Variants in NFASC observed in about 807,000 individuals in gnomAD.
NFASC encodes the protein neurofascin.
NFASC carries 43 observed loss-of-function variants against 147.5 expected under a neutral mutation model. The observed-to-expected ratio is 0.29, with a 90% CI of 0.23 to 0.38. The LOEUF (loss-of-function observed/expected upper bound fraction) is 0.38. Among genes scored for constraint, NFASC ranks in the 10% least tolerant of loss-of-function variants. NFASC has a pLI of 1.00. For missense variants in NFASC, 1,320 were observed against 1,689.0 expected, an observed-to-expected ratio of 0.78 and a Z score of 3.83; for synonymous variants, 622 against 665.5, an observed-to-expected ratio of 0.93 and a Z score of 1.01.
intron 27 of NFASC, among the ~76,000 whole-genome samples, chr1:205,005,139 G>T (rs1398238576): frequency 1.3e-5 from 2 of 152,250 alleles, no homozygotes; most frequent in East Asian, 3.8e-4. Flanking sequence ...GCATCTCTTT[G>T]GTGGGCCAGG....
chr1:205,004,442 G>T (rs946449288), intron 27 of NFASC, among the ~76,000 whole-genome samples: 5 of 152,224 alleles, frequency 3.3e-5, no homozygotes, highest in African/African-American at 9.6e-5. Flanking sequence ...CAGTGATGAA[G>T]CACTCAGCCC....
Position 205,016,999 on chromosome 1 carries a change from C to A in NFASC, c.*460C>A, listed in dbSNP as rs552039213. ...GGAAAAGAAAGAATAAGTGGATTCT[C>A]CCCCAGGAGAATCCTTTTTGCAAAG... On this transcript the variant is annotated 3_prime_UTR_variant, in exon 30 of 30. Coordinates refer to ENST00000339876, the MANE Select transcript of NFASC (RefSeq NM_001005388.3). The surrounding 1 kb of genome is among the most constrained non-coding windows in gnomAD (Gnocchi z 5.1). The A allele has an allele frequency of 2.6e-4, 74 of 280,620 alleles. No homozygotes were observed. Among genetic ancestry groups the A allele is most frequent in the African/African-American group, 1.6e-3 (72 of 46,088 alleles). The allele number at this position is 280,620 out of a possible 1,614,324, so 17.4% of individuals were successfully genotyped here.
chr1:204,910,833 T>A (rs567526510), intron 1 of NFASC, among the ~76,000 whole-genome samples: 55 of 151,982 alleles, frequency 3.6e-4, no homozygotes, highest in African/African-American at 1.2e-3. Flanking sequence ...GATTTTTTTT[T>A]AAATCAATTC....
At chr1:204,881,141 A>G (rs2080125247) in intron 1 of NFASC, among the ~76,000 whole-genome samples, 2 of 152,124 alleles carry the variant, frequency 1.3e-5, no homozygotes, top group African/African-American at 4.8e-5. Context: ...TGTGTTCCCC[A>G]CAATGGTGCC....
intron 26 of NFASC, 85 bp from the exon 27 acceptor site, chr1:205,002,511 C>T: frequency 8.5e-7 from 1 of 1,174,280 alleles, no homozygotes; most frequent in Non-Finnish European, 1.1e-6. Context: ...ACACTTTCTA[C>T]CTTTGACAGG....
At chr1:204,969,751 A>G (rs531553421) in intron 10 of NFASC, among the ~76,000 whole-genome samples, 18 of 152,226 alleles carry the variant, frequency 1.2e-4, no homozygotes, top group Non-Finnish European at 2.4e-4. Flanking sequence ...ATATTCACAA[A>G]ATTGTCTAAA....
chr1:204,949,887 T>C (rs2093995131), intron 3 of NFASC, among the ~76,000 whole-genome samples: 1 of 152,252 alleles, frequency 6.6e-6, no homozygotes, highest in African/African-American at 2.4e-5. Context: ...TTACCTTCTT[T>C]GTGAAAAGCA....
intron 1 of NFASC, among the ~76,000 whole-genome samples, chr1:204,842,425 A>G (rs1675608383): frequency 1.3e-5 from 2 of 152,156 alleles, no homozygotes; most frequent in African/African-American, 2.4e-5. Flanking sequence ...CCGCTTTTAC[A>G]TTGTTGCTTT....
chr1:204,957,510 C>A, intron 7 of NFASC, 146 bp from the exon 8 acceptor site: 1 of 671,408 alleles, frequency 1.5e-6, no homozygotes. Flanking sequence ...ATAAGCCATA[C>A]TTCAGAGTTG....
chr1:204,931,149 C>T (rs1307881163), intron 2 of NFASC, among the ~76,000 whole-genome samples: 1 of 152,008 alleles, frequency 6.6e-6, no homozygotes, highest in Non-Finnish European at 1.5e-5. Flanking sequence ...GCTCTGCAAA[C>T]ATTATTACTT....
intron 27 of NFASC, among the ~76,000 whole-genome samples, chr1:205,003,833 A>AC (rs1460016270): frequency 1.3e-5 from 2 of 152,080 alleles, no homozygotes; most frequent in East Asian, 3.9e-4. Flanking sequence ...TAAACGTCTC[A>AC]CCCCACCCCT....
At chr1:205,011,232 G>T (rs2595967) in intron 28 of NFASC, among the ~76,000 whole-genome samples, 1 of 146,286 alleles carries the variant, frequency 6.8e-6, no homozygotes, top group Non-Finnish European at 1.5e-5. Flanking sequence ...CAACACAAAG[G>T]AAATAGAAGG....
At position 204,950,525 on chromosome 1, in the gene NFASC, C is replaced by G; in HGVS notation, c.92-32C>G. ...TGCATAACGATGTTCTTCTTTTCTC[C>G]CTCTCCAATGCTAACCCGTCGGAAC... is the stretch of plus-strand genomic sequence containing the variant. On this transcript the variant is annotated intron_variant, in intron 3 of 29. Transcript: ENST00000339876. 4 of 1,606,758 alleles carry G rather than the reference C, an allele frequency of 2.5e-6. No individual in the cohort carries two copies. In the South Asian group the frequency reaches 4.5e-5, roughly 18 times the overall value.
chr1:204,968,008 T>A lies in NFASC; in HGVS notation c.707-241T>A. Reference sequence around the variant, plus strand: ...GAGATTCCCTGAACCTGAGGGAAGCTGGGCTCCTCCAGGCAGATCCTTTCA... The same window carrying A: ...GAGATTCCCTGAACCTGAGGGAAGCAGGGCTCCTCCAGGCAGATCCTTTCA... On this transcript the variant is annotated intron_variant, in intron 8 of 29. Transcript: ENST00000339876. This position sits in a 1 kb window ranked among gnomAD's most constrained non-coding sequence, Gnocchi z 5.4. 2 of 434,096 alleles carry A rather than the reference T, an allele frequency of 4.6e-6. No homozygotes were observed. The highest frequency in any genetic ancestry group is 5.8e-5 in the South Asian group (2 of 34,634). 26.9% of individuals were successfully genotyped at this position (434,096 alleles called of 1,614,324 possible). A position where few individuals can be genotyped will look rare whatever the true frequency, so the allele number is the denominator to read the frequency against.
At chr1:205,013,018 G>T (rs1008711272) in intron 29 of NFASC, 152 bp downstream of exon 29, 14 of 644,338 alleles carry the variant, frequency 2.2e-5, no homozygotes, top group Non-Finnish European at 3.7e-5. Context: ...GTGGCGCTGT[G>T]GTGGAGAGTG....
chr1:204,967,707 C>T (rs12744678), intron 8 of NFASC: 34,596 of 152,348 alleles, frequency 0.23, 4,206 homozygotes, highest in Non-Finnish European at 0.28. Flanking sequence ...CATGTCTTTG[C>T]TAAGCCATTA....
chr1:204,954,060 T>TG lies in NFASC; in HGVS notation c.216-124dup, dbSNP rs2094296989. 7.9e-6 allele frequency: 6 copies of TG among 756,028 alleles called. No individual in the cohort carries two copies. In the East Asian group the frequency reaches 1.3e-4, roughly 17 times the overall value. The allele number at this position is 756,028 out of a possible 1,614,324, so 46.8% of individuals were successfully genotyped here. On this transcript the variant is annotated intron_variant, in intron 5 of 29. Transcript: ENST00000339876. The surrounding 1 kb of genome is among the most constrained non-coding windows in gnomAD (Gnocchi z 5.7). ...TCAGCCAGGCTGAGACCTGTTGGTA[T>TG]GGGGTGCCACGATGGGACTGAGAGA...
At chr1:204,917,024 TG>T (rs1382898550) in intron 1 of NFASC, among the ~76,000 whole-genome samples, 3 of 152,196 alleles carry the variant, frequency 2.0e-5, no homozygotes, top group African/African-American at 7.2e-5. Context: ...AAGTCCAACC[TG>T]GGCAACATAG....
At chr1:204,974,148 G>A (rs778724991) in intron 12 of NFASC, 31 bp from the exon 13 acceptor site, 1 of 1,563,182 alleles carries the variant, frequency 6.4e-7, no homozygotes, top group Non-Finnish European at 8.8e-7. Context: ...TTTAGACTTG[G>A]CACTCGAGAT....
Sources: allele counts gnomAD v4.1 joint callset (sites outside exome capture counted in the v4.1 genomes callset), GRCh38; gene constraint gnomAD v4.1.1; non-coding constraint Gnocchi (gnomAD v3.1); transcripts MANE v1.5; gene names NCBI Gene and HGNC (gene_info 2026-07-23, HGNC 2026-07-21).